ZIC5: variants seen among roughly 807,000 people sequenced by gnomAD.
The protein encoded by ZIC5 is Zic family zinc finger 5, also known as zinc finger protein ZIC 5.
A neutral mutation model predicts 28.5 loss-of-function variants in ZIC5; 20 were observed. The observed-to-expected ratio is 0.70, with a 90% CI of 0.49 to 1.02. The LOEUF (loss-of-function observed/expected upper bound fraction) is 1.02, where lower values mean the gene tolerates loss of function less well. Among genes scored for constraint, ZIC5 ranks in the 50% least tolerant of loss-of-function variants. The pLI, the probability that ZIC5 is intolerant of heterozygous loss-of-function variation, is 0.00. For synonymous variants in ZIC5, 488 were observed against 410.4 expected (o/e 1.19, Z -2.29); for missense variants, 951 against 899.7 (o/e 1.06, Z -0.73).
chr13:99,970,162 G>A lies in ZIC5; in HGVS notation c.1442C>T (p.Ser481Phe), dbSNP rs2053137026. 2 of 1,610,936 alleles carry A rather than the reference G, an allele frequency of 1.2e-6. No homozygotes were observed. The highest frequency in any genetic ancestry group is 1.4e-5 in the African/African-American group (1 of 74,002). ...ACGCTTGTGGATCTTGAGGTTCTCG[G>A]AGCGCGCGAAGACCTTGCCGCAGCC... ...FPGCGKVFARSENLKIHKRTH... is the reference protein window; with the variant it reads ...FPGCGKVFARFENLKIHKRTH... Residue 481 changes from serine (S) to phenylalanine (F), a missense_variant, in exon 1 of 2, where the codon TCC (serine) becomes TTC (phenylalanine). By Grantham distance (155) the Ser-to-Phe change is radical. This residue lies in a region of ZIC5 where 59 missense variants were observed against 121.2 expected (regional missense o/e 0.49). Transcript: ENST00000267294.
chr13:99,971,428 T>C lies in ZIC5; in HGVS notation c.176A>G (p.Asp59Gly). Residue 59 changes from aspartate to glycine, a missense_variant, in exon 1 of 2, where the codon GAC (aspartate) becomes GGC (glycine). By Grantham distance (94) the Asp-to-Gly change is moderately conservative. Coordinates refer to ENST00000267294, the MANE Select transcript of ZIC5 (RefSeq NM_033132.5). The stretch of plus-strand genomic sequence containing the variant: ...GAGCGGAGTGGTGGCCACGCCGGGG[T>C]CAGCGCCCAGGTCCCGCAGGCGGAG... The part of the protein sequence containing the change: ...AHLRLRDLGA[D>G]PGVATTPLGP... The C allele has an allele frequency of 6.5e-7, 1 of 1,538,832 alleles. No homozygotes were observed. The highest frequency in any genetic ancestry group is 2.0e-5 in the Admixed American group (1 of 50,200).
Position 99,970,395 on chromosome 13 carries a change from G to T in ZIC5, c.1209C>A (p.Gly403=). ...CGAAAGTTTTGGAGCAGGGCTTGGC[G>T]CCGCCGGCCGGGGGCGGTGGCGGCG... The part of the protein sequence containing the change: ...PPPPPPPPAG[G]AKPCSKTFGT... The change falls in exon 1 of 2, where the codon GGC becomes GGA. Residue 403 remains glycine (G), a synonymous_variant. Transcript: ENST00000267294. The T allele has an allele frequency of 7.4e-7, 1 of 1,347,666 alleles. No homozygotes were observed. Among genetic ancestry groups the T allele is most frequent in the Non-Finnish European group, 9.6e-7 (1 of 1,041,548 alleles). 83.5% of individuals were successfully genotyped at this position (1,347,666 alleles called of 1,614,324 possible).
chr13:99,969,120 G>A (rs1317419895), intron 1 of ZIC5, among the ~76,000 whole-genome samples: 1 of 152,232 alleles, frequency 6.6e-6, no homozygotes, highest in Non-Finnish European at 1.5e-5. Flanking sequence ...CCGCTCAAAG[G>A]GGGCACACGA....
chr13:99,971,045 C>T lies in ZIC5; in HGVS notation c.559G>A (p.Ala187Thr). 1.4e-6 allele frequency: 2 copies of T among 1,423,824 alleles called. No homozygotes were observed. The highest frequency in any genetic ancestry group is 1.8e-6 in the Non-Finnish European group (2 of 1,100,836). The allele number at this position is 1,423,824 out of a possible 1,614,324, so 88.2% of individuals were successfully genotyped here. ...RDLSATAPAAAMHGAPLGGEQ... is the reference protein window; with the variant it reads ...RDLSATAPAATMHGAPLGGEQ... ...CCTCCGAGCGGGGCCCCGTGCATGG[C>T]CGCCGCGGGGGCCGTGGCGGAAAGG... The change falls in exon 1 of 2, where the codon GCC (alanine) becomes ACC (threonine). Residue 187 changes from alanine to threonine, a missense_variant. Physicochemically the swap from Ala to Thr is moderately conservative, Grantham distance 58. Transcript: ENST00000267294.
In ZIC5 at chr13:99,963,872, A is replaced by G. The variant is rs1294823265; in HGVS notation, c.*1505T>C. The G allele has an allele frequency of 6.6e-6, 1 of 152,342 alleles. No individual in the cohort carries two copies. The highest frequency in any genetic ancestry group is 1.5e-5 in the Non-Finnish European group (1 of 68,048). The allele number at this position is 152,342 out of a possible 1,614,324, so 9.4% of individuals were successfully genotyped here. On this transcript the variant is annotated 3_prime_UTR_variant, in exon 2 of 2. Transcript: ENST00000267294. ...ACTACATCAACCACTCACAGCACAC[A>G]AAACAAATTTCTACAAACCCTGGGG...
chr13:99,970,000 G>A (rs1011303603), intron 1 of ZIC5, 127 bp downstream of exon 1: 77 of 1,428,730 alleles, frequency 5.4e-5, no homozygotes, highest in Non-Finnish European at 6.7e-5. Flanking sequence ...ATACGTATGC[G>A]AAGAGAAGCA....
chr13:99,971,092 C>T lies in ZIC5; in HGVS notation c.512G>A (p.Arg171Lys), dbSNP rs2053153167. Reference sequence around the variant, plus strand: ...AAGGTCCCTCCGGAGGACGAAGTCCCTGCTGTGGCCTTTGCCGCTGCTGCC... The same window carrying T: ...AAGGTCCCTCCGGAGGACGAAGTCCTTGCTGTGGCCTTTGCCGCTGCTGCC... Reference protein sequence around the residue: ...GGGSSGKGHSRDFVLRRDLSA... With the variant: ...GGGSSGKGHSKDFVLRRDLSA... The change falls in exon 1 of 2, where the codon AGG becomes AAG. Residue 171 changes from arginine (R) to lysine (K), a missense_variant. Coordinates refer to ENST00000267294, the MANE Select transcript of ZIC5 (RefSeq NM_033132.5). 3 of 1,435,880 alleles carry T rather than the reference C, an allele frequency of 2.1e-6. No homozygotes were observed. Among genetic ancestry groups the T allele is most frequent in the South Asian group, 1.5e-5 (1 of 68,694 alleles). 88.9% of individuals were successfully genotyped at this position (1,435,880 alleles called of 1,614,324 possible). A position where few individuals can be genotyped will look rare whatever the true frequency, so the allele number is the denominator to read the frequency against.
chr13:99,970,560 C>T lies in ZIC5; in HGVS notation c.1044G>A (p.Gln348=). The T allele has an allele frequency of 4.7e-6, 5 of 1,054,290 alleles. No individual in the cohort carries two copies. Among genetic ancestry groups the T allele is most frequent in the Non-Finnish European group, 5.7e-6 (5 of 875,554 alleles). The allele number at this position is 1,054,290 out of a possible 1,614,324, so 65.3% of individuals were successfully genotyped here. ...CCGCCCCTGGGAGGTGGGGGTGGTG[C>T]TGGTGCGGGTGCTGCGCGGGCGCCG... ...PPPAPAQHPH[Q]HHPHLPGAAG... The change falls in exon 1 of 2, where the codon CAG becomes CAA. Residue 348 remains glutamine, a synonymous_variant. Coordinates refer to ENST00000267294, the MANE Select transcript of ZIC5 (RefSeq NM_033132.5).
intron 1 of ZIC5, among the ~76,000 whole-genome samples, chr13:99,966,914 T>A (rs1437128769): frequency 6.6e-6 from 1 of 152,210 alleles, no homozygotes; most frequent in Admixed American, 6.5e-5. Flanking sequence ...CCCCTTGGTA[T>A]CTCTGAACTT....
chr13:99,965,285 C>T lies in ZIC5; in HGVS notation c.*92G>A, dbSNP rs970082093. 7.9e-6 allele frequency: 10 copies of T among 1,262,226 alleles called. No homozygotes were observed. The highest frequency in any genetic ancestry group is 3.2e-5 in the South Asian group (2 of 62,370). The allele number at this position is 1,262,226 out of a possible 1,614,324, so 78.2% of individuals were successfully genotyped here. ...TAGACCCGGTGGCAAGTCTGAGTCA[C>T]GGGTTTGTCTCAGGCTCGGCATTGT... On this transcript the variant is annotated 3_prime_UTR_variant, in exon 2 of 2. Transcript: ENST00000267294.
chr13:99,969,073 G>A (rs1036234955), intron 1 of ZIC5, among the ~76,000 whole-genome samples: 8 of 152,226 alleles, frequency 5.3e-5, no homozygotes, highest in Non-Finnish European at 1.2e-4. Flanking sequence ...TCCCGACTGC[G>A]TTCGCGCTCA....
rs2152156448 is a variant in ZIC5, at chr13:99,970,564, T to G, written c.1040A>C (p.His347Pro). 1 of 1,028,978 alleles carries G rather than the reference T, an allele frequency of 9.7e-7. No homozygotes were observed. Among genetic ancestry groups the G allele is most frequent in the South Asian group, 3.9e-5 (1 of 25,918 alleles). 63.7% of individuals were successfully genotyped at this position (1,028,978 alleles called of 1,614,324 possible). A position where few individuals can be genotyped will look rare whatever the true frequency, so the allele number is the denominator to read the frequency against. The change falls in exon 1 of 2, where the codon CAC (histidine) becomes CCC (proline). Residue 347 changes from histidine to proline, a missense_variant. This residue lies in a region of ZIC5 where 784 missense variants were observed against 660.1 expected (regional missense o/e 1.19). Transcript: ENST00000267294. ...PPPPAPAQHPHQHHPHLPGAA... is the reference protein window; with the variant it reads ...PPPPAPAQHPPQHHPHLPGAA... Reference sequence around the variant, plus strand: ...CCCTGGGAGGTGGGGGTGGTGCTGGTGCGGGTGCTGCGCGGGCGCCGGCGG... The same window carrying G: ...CCCTGGGAGGTGGGGGTGGTGCTGGGGCGGGTGCTGCGCGGGCGCCGGCGG...
rs1311687845 is a variant in ZIC5, at chr13:99,970,958, T to C, written c.646A>G (p.Met216Val). The change falls in exon 1 of 2, where the codon ATG (methionine) becomes GTG (valine). Residue 216 changes from methionine (M) to valine (V), a missense_variant. Physicochemically the swap from Met to Val is conservative, Grantham distance 21. This residue lies in a region of ZIC5 where 784 missense variants were observed against 660.1 expected (regional missense o/e 1.19). Transcript: ENST00000267294. ...HPAPPPHSAG[M>V]FISASGTYAG... ...TAGGTGCCGCTGGCGGAGATGAACA[T>C]GCCGGCCGAGTGGGGAGGCGGGGCC... 1.7e-5 allele frequency: 24 copies of C among 1,398,566 alleles called. No individual in the cohort carries two copies. Among genetic ancestry groups the C allele is most frequent in the Non-Finnish European group, 1.2e-5 (13 of 1,088,084 alleles). 86.6% of individuals were successfully genotyped at this position (1,398,566 alleles called of 1,614,324 possible).
At chr13:99,968,454 C>A (rs1054069948) in intron 1 of ZIC5, among the ~76,000 whole-genome samples, 1 of 152,094 alleles carries the variant, frequency 6.6e-6, no homozygotes, top group Non-Finnish European at 1.5e-5. Context: ...ACCCCACGCA[C>A]GCGCGCGTGC....
At position 99,971,389 on chromosome 13, in the gene ZIC5, A is replaced by G. The variant is rs1024498501; in HGVS notation, c.215T>C (p.Met72Thr). ...VATTPLGPEH[M>T]AQASTLGLSP... ...GAGGCCCAGCGTGCTCGCCTGGGCC[A>G]TGTGCTCGGGTCCGAGCGGAGTGGT... is the stretch of plus-strand genomic sequence containing the variant. Residue 72 changes from methionine to threonine, a missense_variant, in exon 1 of 2, where the codon ATG becomes ACG. By Grantham distance (81) the Met-to-Thr change is moderately conservative (BLOSUM62 -1). Coordinates refer to ENST00000267294, the MANE Select transcript of ZIC5 (RefSeq NM_033132.5). 1 of 1,504,030 alleles carries G rather than the reference A, an allele frequency of 6.6e-7. No individual in the cohort carries two copies. The highest frequency in any genetic ancestry group is 2.0e-4 in the Middle Eastern group (1 of 5,032). 93.2% of individuals were successfully genotyped at this position (1,504,030 alleles called of 1,614,324 possible).
At position 99,963,253 on chromosome 13, in the gene ZIC5, TAAATA is replaced by T. The variant is rs1288620256; in HGVS notation, c.*2119_*2123del. On this transcript the variant is annotated 3_prime_UTR_variant, in exon 2 of 2. Coordinates refer to ENST00000267294, the MANE Select transcript of ZIC5 (RefSeq NM_033132.5). ...GCAAACTACCATTGAAAAAGTTGTA[TAAATA>T]AAACAACTCATTATACATCAGGAAT... is the stretch of plus-strand genomic sequence containing the variant. 3 of 152,586 alleles carry T rather than the reference TAAATA, an allele frequency of 2.0e-5. No individual in the cohort carries two copies. Among genetic ancestry groups the T allele is most frequent in the African/African-American group, 7.2e-5 (3 of 41,444 alleles). 9.5% of individuals were successfully genotyped at this position (152,586 alleles called of 1,614,324 possible). A position where few individuals can be genotyped will look rare whatever the true frequency, so the allele number is the denominator to read the frequency against.
chr13:99,969,389 G>A (rs975605928), intron 1 of ZIC5, among the ~76,000 whole-genome samples: 1 of 152,126 alleles, frequency 6.6e-6, no homozygotes, highest in Non-Finnish European at 1.5e-5. Context: ...CGCGTGGGGC[G>A]TGTAAATGAT....
At position 99,970,731 on chromosome 13, in the gene ZIC5, C is replaced by T; in HGVS notation, c.873G>A (p.Ala291=). 1 of 1,196,642 alleles carries T rather than the reference C, an allele frequency of 8.4e-7. No homozygotes were observed. The highest frequency in any genetic ancestry group is 1.0e-6 in the Non-Finnish European group (1 of 962,144). 74.1% of individuals were successfully genotyped at this position (1,196,642 alleles called of 1,614,324 possible). A position where few individuals can be genotyped will look rare whatever the true frequency, so the allele number is the denominator to read the frequency against. The stretch of plus-strand genomic sequence containing the variant: ...GGGCGGCCGCCGCTGCGGCCGCAAC[C>T]GCCCCGTAGTGCGCGTCCCCAGAGC... The part of the protein sequence containing the change: ...APRSGDAHYG[A]VAAAAAAALH... The change falls in exon 1 of 2, where the codon GCG becomes GCA. Residue 291 remains alanine (A), a synonymous_variant. Coordinates refer to ENST00000267294, the MANE Select transcript of ZIC5 (RefSeq NM_033132.5).
rs896040988 is a variant in ZIC5 at position 99,965,514 on chromosome 13, T to C, written c.1783A>G (p.Asn595Asp). 6.2e-7 allele frequency: 1 copy of C among 1,613,886 alleles called. No homozygotes were observed. Reference sequence around the variant, plus strand: ...TGGCAAACGTACCACTCATTGAGGTTGGTCACCTGAGGGGACAGAGTGCTG... The same window carrying C: ...TGGCAAACGTACCACTCATTGAGGTCGGTCACCTGAGGGGACAGAGTGCTG... Reference protein sequence around the residue: ...HSSTLSPQVTNLNEWYVCQAS... With the variant: ...HSSTLSPQVTDLNEWYVCQAS... Residue 595 changes from asparagine to aspartate, a missense_variant, in exon 2 of 2, where the codon AAC (asparagine) becomes GAC (aspartate). Coordinates refer to ENST00000267294, the MANE Select transcript of ZIC5 (RefSeq NM_033132.5).
Sources: allele counts gnomAD v4.1 joint callset (sites outside exome capture counted in the v4.1 genomes callset), GRCh38; gene constraint gnomAD v4.1.1; regional missense constraint gnomAD v4.1.1; transcripts MANE v1.5; gene names NCBI Gene and HGNC (gene_info 2026-07-23, HGNC 2026-07-21).